The following ATP11B variants were observed in gnomAD, a reference collection of about 807,000 sequenced individuals.
ATP11B encodes the protein phospholipid-transporting ATPase IF.
Under a neutral mutation model 157.8 loss-of-function variants are expected in ATP11B, and 81 were observed. That is an observed-to-expected ratio of 0.51 (90% CI 0.43 to 0.62). ATP11B has a LOEUF of 0.62. Among genes scored for constraint, ATP11B ranks in the 20% least tolerant of loss-of-function variants. ATP11B has a pLI of 0.00. For synonymous variants in ATP11B, 451 were observed against 469.4 expected (o/e 0.96, Z 0.51); for missense variants, 1,165 against 1,402.2 (o/e 0.83, Z 2.70).
chr3:182,884,250 AT>A (rs1295300218), intron 21 of ATP11B, among the ~76,000 whole-genome samples: 1 of 152,080 alleles, frequency 6.6e-6, no homozygotes. Context: ...ATTTTTAAAA[AT>A]TTATTTATTT....
chr3:182,863,327 G>T (rs1720992925), intron 12 of ATP11B, among the ~76,000 whole-genome samples: 1 of 151,958 alleles, frequency 6.6e-6, no homozygotes, highest in African/African-American at 2.4e-5. Flanking sequence ...TTACTTTTCT[G>T]AATAAATTTT....
chr3:182,830,035 A>C, intron 4 of ATP11B: 2 of 682,038 alleles, frequency 2.9e-6, no homozygotes, highest in Non-Finnish European at 3.6e-6. Context: ...TTATATATGA[A>C]ATAGATTTCT....
intron 9 of ATP11B, among the ~76,000 whole-genome samples, chr3:182,846,990 A>G (rs1719581601): frequency 6.6e-6 from 1 of 152,186 alleles, no homozygotes. Flanking sequence ...TTCTAATAGC[A>G]GAAACCAGAG....
At chr3:182,865,915 AGTATTTAAATG>A (rs1721197594) in intron 13 of ATP11B, among the ~76,000 whole-genome samples, 1 of 123,142 alleles carries the variant, frequency 8.1e-6, no homozygotes, top group African/African-American at 2.7e-5. Flanking sequence ...TAGCTCTTTG[AGTATTTAAATG>A]GAACGTAGTT....
intron 21 of ATP11B, 83 bp from the exon 22 acceptor site, chr3:182,884,670 A>G (rs1226901705): frequency 5.9e-6 from 8 of 1,366,852 alleles, no homozygotes; most frequent in Middle Eastern, 2.0e-4. Flanking sequence ...ATGTTCAACT[A>G]TTATAAATAA....
Position 182,869,408 on chromosome 3 carries a change from T to C in ATP11B, c.1866+77T>C, listed in dbSNP as rs370183924. The C allele has an allele frequency of 6.0e-6, 6 of 1,008,008 alleles. No homozygotes were observed. The South Asian group carries it at 8.6e-5, about 14-fold the overall frequency. The allele number at this position is 1,008,008 out of a possible 1,614,324, so 62.4% of individuals were successfully genotyped here. ...ATATTTTGGACTTTATTTCTTATAATTTATCAAAAATTGTGGACATTCTGC... is the reference window on the plus strand; with the variant it reads ...ATATTTTGGACTTTATTTCTTATAACTTATCAAAAATTGTGGACATTCTGC... On this transcript the variant is annotated intron_variant, in intron 17 of 29. Transcript: ENST00000323116.
chr3:182,821,197 C>T (rs1576970047), intron 2 of ATP11B, among the ~76,000 whole-genome samples: 1 of 152,094 alleles, frequency 6.6e-6, no homozygotes, highest in Non-Finnish European at 1.5e-5. Context: ...GCAACCTCTG[C>T]CTCTCGGGTT....
At chr3:182,861,127 G>T (rs1454720068) in intron 12 of ATP11B, among the ~76,000 whole-genome samples, 1 of 149,542 alleles carries the variant, frequency 6.7e-6, no homozygotes, top group African/African-American at 2.5e-5. Context: ...GTGCAATGGC[G>T]CAATCTTGGC....
At chr3:182,910,443 G>A (rs1357359760) in intron 28 of ATP11B, among the ~76,000 whole-genome samples, 2 of 151,862 alleles carry the variant, frequency 1.3e-5, no homozygotes, top group African/African-American at 2.4e-5. Context: ...ACATGATGAC[G>A]CACACCTGTA....
intron 28 of ATP11B, among the ~76,000 whole-genome samples, chr3:182,906,663 C>A (rs566300613): frequency 1.3e-5 from 2 of 152,142 alleles, no homozygotes; most frequent in African/African-American, 4.8e-5. Context: ...GTTGCACACA[C>A]TGGTCTCAAA....
At chr3:182,910,307 AG>A (rs1724690525) in intron 28 of ATP11B, among the ~76,000 whole-genome samples, 1 of 151,270 alleles carries the variant, frequency 6.6e-6, no homozygotes, top group Non-Finnish European at 1.5e-5. Context: ...CAGGCTCAGT[AG>A]CTCACACCTG....
At chr3:182,802,504 C>T (rs1036752677) in intron 1 of ATP11B, among the ~76,000 whole-genome samples, 3 of 152,154 alleles carry the variant, frequency 2.0e-5, no homozygotes, top group African/African-American at 4.8e-5. Context: ...AGCCTTATTG[C>T]AATTCAGAAG....
Position 182,843,006 on chromosome 3 carries a change from A to G in ATP11B, c.704+884A>G, listed in dbSNP as rs150274107. On this transcript the variant is annotated intron_variant, in intron 8 of 29. Coordinates refer to ENST00000323116, the MANE Select transcript of ATP11B (RefSeq NM_014616.3). The stretch of plus-strand genomic sequence containing the variant: ...TCCAAAAGCAGCTGTGGTCTCAGCA[A>G]ACAGACAGCTTCACTCTTTCAGGCA... Among the ~76,000 whole-genome samples, 477 of 152,344 alleles carry G rather than the reference A, an allele frequency of 3.1e-3. 4 individuals are homozygous for G. The highest frequency in any genetic ancestry group is 0.011 in the African/African-American group (459 of 41,580).
intron 12 of ATP11B, among the ~76,000 whole-genome samples, chr3:182,865,173 G>A (rs1046716810): frequency 6.6e-6 from 1 of 152,104 alleles, no homozygotes; most frequent in African/African-American, 2.4e-5. Context: ...AAGAAAAGAA[G>A]CATTAATACC....
intron 1 of ATP11B, among the ~76,000 whole-genome samples, chr3:182,796,296 T>A (rs932235407): frequency 1.2e-4 from 19 of 152,218 alleles, no homozygotes; most frequent in African/African-American, 4.6e-4. Flanking sequence ...TTAGTATTAT[T>A]CAAAGTATAC....
intron 25 of ATP11B, among the ~76,000 whole-genome samples, chr3:182,894,333 TG>T (rs1482041365): frequency 6.6e-6 from 1 of 152,228 alleles, no homozygotes; most frequent in Non-Finnish European, 1.5e-5. Flanking sequence ...ATTACAGGCA[TG>T]GGCCACCACG....
At chr3:182,839,334 C>T (rs1033915687) in intron 7 of ATP11B, among the ~76,000 whole-genome samples, 3 of 152,144 alleles carry the variant, frequency 2.0e-5, no homozygotes, top group Non-Finnish European at 2.9e-5. Flanking sequence ...GGGTACTAGA[C>T]TTAGTACCTG....
At chr3:182,813,841 C>T in intron 1 of ATP11B, among the ~76,000 whole-genome samples, 1 of 151,954 alleles carries the variant, frequency 6.6e-6, no homozygotes, top group Non-Finnish European at 1.5e-5. Flanking sequence ...GACCCTCCTG[C>T]GTCAGCCTCC....
At chr3:182,885,585 A>G (rs1388350826) in intron 22 of ATP11B, among the ~76,000 whole-genome samples, 1 of 152,134 alleles carries the variant, frequency 6.6e-6, no homozygotes, top group Non-Finnish European at 1.5e-5. Context: ...TGTGTGTTTT[A>G]AACATTTTTG....
Sources: allele counts gnomAD v4.1 joint callset (sites outside exome capture counted in the v4.1 genomes callset), GRCh38; gene constraint gnomAD v4.1.1; transcripts MANE v1.5; gene names NCBI Gene and HGNC (gene_info 2026-07-23, HGNC 2026-07-21).